PRUNE2: variants seen among roughly 807,000 people sequenced by gnomAD.
PRUNE2 encodes the protein protein prune homolog 2.
PRUNE2 carries 164 observed loss-of-function variants against 252.0 expected under a neutral mutation model. That is an observed-to-expected ratio of 0.65 (90% confidence interval 0.57 to 0.74). The LOEUF is 0.74. PRUNE2 is among the 30% of genes least tolerant of loss of function. The pLI is 0.00. For missense variants in PRUNE2, 3,495 were observed against 3,711.0 expected (o/e 0.94, Z 1.51); for synonymous variants, 1,292 against 1,350.2 (o/e 0.96, Z 0.94).
chr9:76,688,125 G>A (rs1365927095), intron 9 of PRUNE2, among the ~76,000 whole-genome samples: 1 of 152,162 alleles, frequency 6.6e-6, no homozygotes, highest in Non-Finnish European at 1.5e-5. Flanking sequence ...CCCTGAAGCT[G>A]GGTGTTCTCT....
chr9:76,706,915 T>G lies in PRUNE2; in HGVS notation c.5359A>C (p.Arg1787=). 1.9e-6 allele frequency: 3 copies of G among 1,604,664 alleles called. No homozygotes were observed. Among genetic ancestry groups the G allele is most frequent in the Non-Finnish European group, 2.6e-6 (3 of 1,174,988 alleles). ...MQITAVEKEK[R]SSPETGTTGD... ...GTTGTCCCTGTTTCTGGAGAAGATC[T>G]CTTCTCCTTCTCCACTGCTGTAATC... The change falls in exon 8 of 19, where the codon AGA becomes CGA. Residue 1787 remains arginine (R), a synonymous_variant. Transcript: ENST00000376718.
chr9:76,693,466 CG>C (rs2045028503), intron 9 of PRUNE2, among the ~76,000 whole-genome samples: 1 of 87,128 alleles, frequency 1.1e-5, no homozygotes, highest in Non-Finnish European at 2.1e-5. Context: ...TTTTTGGAGA[CG>C]GAGTCTTGCA....
At chr9:76,811,621 A>G (rs371855207) in intron 6 of PRUNE2, among the ~76,000 whole-genome samples, 54 of 152,304 alleles carry the variant, frequency 3.5e-4, no homozygotes, top group Admixed American at 1.1e-3. Context: ...CCTCCTGCTC[A>G]AGGATTTCAA....
At chr9:76,669,366 C>T (rs1390666853) in intron 9 of PRUNE2, among the ~76,000 whole-genome samples, 1 of 151,980 alleles carries the variant, frequency 6.6e-6, no homozygotes, top group African/African-American at 2.4e-5. Flanking sequence ...GTCACCCAGG[C>T]TGGAGTGCAG....
Position 76,703,627 on chromosome 9 carries a change from C to G in PRUNE2, c.7986G>C (p.Pro2662=). 1 of 1,612,504 alleles carries G rather than the reference C, an allele frequency of 6.2e-7. No homozygotes were observed. Among genetic ancestry groups the G allele is most frequent in the Non-Finnish European group, 8.5e-7 (1 of 1,179,880 alleles). Residue 2662 remains proline, a synonymous_variant, in exon 9 of 19, where the codon CCG becomes CCC. Coordinates refer to ENST00000376718, the MANE Select transcript of PRUNE2 (RefSeq NM_015225.3). Reference sequence around the variant, plus strand: ...CCTCACCCAAGCCGAGTTCAGAGAACGGCTCCACAGTCTTGCCAGACCACC... The same window carrying G: ...CCTCACCCAAGCCGAGTTCAGAGAAGGGCTCCACAGTCTTGCCAGACCACC... ...GPGWSGKTVE[P]FSELGLGEGP...
chr9:76,749,461 T>C (rs11145041), intron 6 of PRUNE2, among the ~76,000 whole-genome samples: 6,591 of 152,292 alleles, frequency 0.043, 277 homozygotes, highest in East Asian at 0.18. Flanking sequence ...TATTCTGTCT[T>C]TTTCAGCCAA....
At chr9:76,833,119 A>T (rs1489273343) in intron 4 of PRUNE2, among the ~76,000 whole-genome samples, 1 of 152,214 alleles carries the variant, frequency 6.6e-6, no homozygotes, top group Non-Finnish European at 1.5e-5. Context: ...GTCTAAAGAC[A>T]ATGGAATTAT....
At chr9:76,666,361 G>A (rs141711246) in intron 9 of PRUNE2, among the ~76,000 whole-genome samples, 2,109 of 152,266 alleles carry the variant, frequency 0.014, 52 homozygotes, top group African/African-American at 0.047. Flanking sequence ...GCAGTTATCC[G>A]GAGGCCTAAC....
chr9:76,790,405 C>T (rs897933423), intron 6 of PRUNE2, among the ~76,000 whole-genome samples: 1 of 152,132 alleles, frequency 6.6e-6, no homozygotes, highest in African/African-American at 2.4e-5. Context: ...ATTTTCATGC[C>T]AGTAAAACAT....
At position 76,850,495 on chromosome 9, in the gene PRUNE2, C is replaced by G. The variant is rs371188841; in HGVS notation, c.312G>C (p.Ser104=). Residue 104 remains serine, a synonymous_variant, in exon 3 of 19, where the codon TCG becomes TCC. Transcript: ENST00000376718. ...GCACACTGCTGCCAACAAGTGTTAT[C>G]GATAACTTCCCTTCATCATTTAGCT... ...LHQLNDEGKL[S]ITLVGSSVLA... is the part of the protein sequence containing the mutation. 3 of 1,613,952 alleles carry G rather than the reference C, an allele frequency of 1.9e-6. No homozygotes were observed. The highest frequency in any genetic ancestry group is 2.5e-6 in the Non-Finnish European group (3 of 1,179,962).
chr9:76,793,886 T>C (rs948915204), intron 6 of PRUNE2, among the ~76,000 whole-genome samples: 5 of 152,198 alleles, frequency 3.3e-5, no homozygotes, highest in African/African-American at 1.2e-4. Flanking sequence ...TACAACATGG[T>C]CTATAGCATT....
At position 76,760,533 on chromosome 9, in the gene PRUNE2, C is replaced by T. The variant is rs375573074; in HGVS notation, c.757-46812G>A. On this transcript the variant is annotated intron_variant, in intron 6 of 18. Transcript: ENST00000376718. ...AAACCATTAGAATAACCTCACTGCTCTTCCTGACATCTGTTTACCCTGCAT... is the reference window on the plus strand; with the variant it reads ...AAACCATTAGAATAACCTCACTGCTTTTCCTGACATCTGTTTACCCTGCAT... 3.0e-4 allele frequency among the ~76,000 whole-genome samples: 45 copies of T among 152,276 alleles called. 2 individuals are homozygous for T. In the South Asian group the frequency reaches 9.1e-3, roughly 31 times the overall value.
At chr9:76,639,483 T>C (rs1197902927) in intron 12 of PRUNE2, among the ~76,000 whole-genome samples, 1 of 152,002 alleles carries the variant, frequency 6.6e-6, no homozygotes, top group Non-Finnish European at 1.5e-5. Flanking sequence ...AGAGTGAGAT[T>C]CTGTCTCAAA....
intron 17 of PRUNE2, among the ~76,000 whole-genome samples, 176 bp from the exon 18 acceptor site, chr9:76,619,563 A>C (rs1176618198): frequency 6.6e-6 from 1 of 152,242 alleles, no homozygotes; most frequent in Admixed American, 6.5e-5. Context: ...TTGGTTTTGA[A>C]ATACAAGTGA....
intron 13 of PRUNE2, among the ~76,000 whole-genome samples, chr9:76,637,771 G>C (rs923853026): frequency 9.2e-5 from 14 of 152,168 alleles, no homozygotes; most frequent in Admixed American, 9.2e-4. Flanking sequence ...CTAGAAAAAT[G>C]TATGGGTTAG....
chr9:76,700,979 A>C (rs2045840893), intron 9 of PRUNE2, among the ~76,000 whole-genome samples: 1 of 152,230 alleles, frequency 6.6e-6, no homozygotes, highest in African/African-American at 2.4e-5. Flanking sequence ...TAAATATTAC[A>C]CTGCTATCTA....
intron 10 of PRUNE2, among the ~76,000 whole-genome samples, chr9:76,653,083 G>C (rs1371494631): frequency 6.6e-6 from 1 of 152,042 alleles, no homozygotes; most frequent in East Asian, 1.9e-4. Context: ...CTCTGTAACT[G>C]GATCCTCCCA....
rs1035372046 is a variant in PRUNE2 at position 76,655,580 on chromosome 9, G to A, written c.8277-78C>T. 1.7e-5 allele frequency: 17 copies of A among 1,029,012 alleles called. No individual in the cohort carries two copies. In the African/African-American group the frequency reaches 2.5e-4, roughly 15 times the overall value. 63.7% of individuals were successfully genotyped at this position (1,029,012 alleles called of 1,614,324 possible). A position where few individuals can be genotyped will look rare whatever the true frequency, so the allele number is the denominator to read the frequency against. The stretch of plus-strand genomic sequence containing the variant: ...TTCTTTTGAAAAGGAAACCCACAGA[G>A]TCCAGGATAACATTTTCAACTCACT... On this transcript the variant is annotated intron_variant, in intron 9 of 18. Transcript: ENST00000376718.
At chr9:76,831,611 A>C (rs756993086) in intron 4 of PRUNE2, among the ~76,000 whole-genome samples, 3 of 152,186 alleles carry the variant, frequency 2.0e-5, no homozygotes, top group Non-Finnish European at 4.4e-5. Context: ...TTATCAATTT[A>C]TATGATATTT....
Sources: allele counts gnomAD v4.1 joint callset (sites outside exome capture counted in the v4.1 genomes callset), GRCh38; gene constraint gnomAD v4.1.1; transcripts MANE v1.5; gene names NCBI Gene and HGNC (gene_info 2026-07-23, HGNC 2026-07-21).